RREB1: variants seen among roughly 807,000 people sequenced by gnomAD.
RREB1 encodes the protein ras-responsive element-binding protein 1.
In RREB1, 27 loss-of-function variants were observed where a neutral mutation model predicts 117.8. The observed-to-expected ratio is 0.23, with a 90% confidence interval of 0.17 to 0.32. The LOEUF (loss-of-function observed/expected upper bound fraction) is 0.32, where lower values mean the gene tolerates loss of function less well. Ranked by LOEUF, RREB1 falls within the 10% of genes least tolerant of loss-of-function variation. The pLI, the probability that RREB1 is intolerant of heterozygous loss-of-function variation, is 1.00. For synonymous variants in RREB1, 1,298 were observed against 1,026.7 expected (o/e 1.26, Z -5.05); for missense variants, 2,577 against 2,378.2 (o/e 1.08, Z -1.74).
chr6:7,131,869 T>C (rs1458902494), intron 1 of RREB1, among the ~76,000 whole-genome samples: 1 of 152,096 alleles, frequency 6.6e-6, no homozygotes, highest in Admixed American at 6.5e-5. Flanking sequence ...AGGACTTTTT[T>C]TTTTTTTGGA....
At chr6:7,117,097 G>A (rs1375786131) in intron 1 of RREB1, among the ~76,000 whole-genome samples, 2 of 152,236 alleles carry the variant, frequency 1.3e-5, no homozygotes, top group African/African-American at 4.8e-5. Context: ...AATCTACAGG[G>A]TATAAATCTT....
chr6:7,231,726 C>G lies in RREB1; in HGVS notation c.3627C>G (p.Ala1209=). The change falls in exon 10 of 13, where the codon GCC becomes GCG. Residue 1209 remains alanine, a synonymous_variant. Transcript: ENST00000379938. Reference sequence around the variant, plus strand: ...AGGACAACACTCAGGATGAGGTGGCCGGAGCCCCTGCCGACCACCATGGGC... The same window carrying G: ...AGGACAACACTCAGGATGAGGTGGCGGGAGCCCCTGCCGACCACCATGGGC... ...TAEDNTQDEV[A]GAPADHHGPS... 1 of 1,613,606 alleles carries G rather than the reference C, an allele frequency of 6.2e-7. No individual in the cohort carries two copies. The highest frequency in any genetic ancestry group is 8.5e-7 in the Non-Finnish European group (1 of 1,179,958).
chr6:7,210,848 C>G lies in RREB1; in HGVS notation c.470C>G (p.Thr157Arg). The G allele has an allele frequency of 1.2e-6, 2 of 1,614,074 alleles. No individual in the cohort carries two copies. Among genetic ancestry groups the G allele is most frequent in the Non-Finnish European group, 1.7e-6 (2 of 1,179,910 alleles). ...AAGGACCCTAACAGTGCCACAGCCA[C>G]AGCCCCTCCATCTCCTCTGAAACGT... ...HEKDPNSATA[T>R]APPSPLKRRR... The change falls in exon 7 of 13, where the codon ACA becomes AGA. Residue 157 changes from threonine to arginine, a missense_variant. By Grantham distance (71) the Thr-to-Arg change is moderately conservative. Coordinates refer to ENST00000379938, the MANE Select transcript of RREB1 (RefSeq NM_001003699.4).
At chr6:7,136,516 C>T (rs540059907) in intron 1 of RREB1, among the ~76,000 whole-genome samples, 7 of 152,278 alleles carry the variant, frequency 4.6e-5, no homozygotes, top group African/African-American at 1.7e-4. Context: ...GCTCCAGCAA[C>T]CCGCTATCCT....
At chr6:7,186,054 C>T (rs766664641) in intron 4 of RREB1, among the ~76,000 whole-genome samples, 36 of 152,182 alleles carry the variant, frequency 2.4e-4, no homozygotes, top group Non-Finnish European at 4.0e-4. Flanking sequence ...TTGCAAGGAG[C>T]AGAAACTCAT....
chr6:7,123,293 G>T (rs1441409646), intron 1 of RREB1, among the ~76,000 whole-genome samples: 1 of 152,124 alleles, frequency 6.6e-6, no homozygotes. Context: ...GAGGAGCTGG[G>T]ACTCTGTACA....
At chr6:7,163,733 T>G (rs4435992) in intron 1 of RREB1, among the ~76,000 whole-genome samples, 3 of 152,260 alleles carry the variant, frequency 2.0e-5, no homozygotes, top group Admixed American at 2.0e-4. Flanking sequence ...AGCATGAAAT[T>G]GAGTTTGTGT....
chr6:7,233,453 G>T (rs1187008711), intron 10 of RREB1, among the ~76,000 whole-genome samples: 1 of 152,116 alleles, frequency 6.6e-6, no homozygotes, highest in Non-Finnish European at 1.5e-5. Flanking sequence ...TTAATAAATA[G>T]ATAGGGCCTA....
intron 8 of RREB1, chr6:7,215,958 A>G (rs1366401527): frequency 6.6e-6 from 1 of 152,072 alleles, no homozygotes; most frequent in East Asian, 1.9e-4. Flanking sequence ...AAGAAGGCCC[A>G]AGGGCGGCAG....
chr6:7,114,087 A>G (rs1306448454), intron 1 of RREB1, among the ~76,000 whole-genome samples: 2 of 152,108 alleles, frequency 1.3e-5, no homozygotes, highest in African/African-American at 2.4e-5. Context: ...TTTTGTTTTT[A>G]GTGCTGGGAG....
chr6:7,136,931 G>A (rs1333741891), intron 1 of RREB1, among the ~76,000 whole-genome samples: 1 of 152,220 alleles, frequency 6.6e-6, no homozygotes, highest in East Asian at 1.9e-4. Context: ...ACAGAAACTT[G>A]ATAGAAATAT....
intron 1 of RREB1, among the ~76,000 whole-genome samples, chr6:7,145,938 T>C (rs1453820775): frequency 6.6e-6 from 1 of 150,726 alleles, no homozygotes; most frequent in African/African-American, 2.5e-5. Flanking sequence ...CAGAACAGGT[T>C]GGGCAAGACT....
chr6:7,229,152 G>T lies in RREB1; in HGVS notation c.1053G>T (p.Thr351=), dbSNP rs771693035. The change falls in exon 10 of 13, where the codon ACG becomes ACT. Residue 351 remains threonine, a synonymous_variant. Coordinates refer to ENST00000379938, the MANE Select transcript of RREB1 (RefSeq NM_001003699.4). This position sits in a 1 kb window ranked among gnomAD's most constrained non-coding sequence, Gnocchi z 4.5. The part of the protein sequence containing the change: ...ADQGQEKPQA[T]PLPGDALDQK... Reference sequence around the variant, plus strand: ...AGGGTCAAGAAAAGCCGCAGGCCACGCCCCTGCCTGGTGACGCCCTGGACC... The same window carrying T: ...AGGGTCAAGAAAAGCCGCAGGCCACTCCCCTGCCTGGTGACGCCCTGGACC... The T allele has an allele frequency of 6.2e-7, 1 of 1,609,820 alleles. No homozygotes were observed. Among genetic ancestry groups the T allele is most frequent in the African/African-American group, 1.3e-5 (1 of 74,972 alleles).
In RREB1 at chr6:7,250,349, G is replaced by C. The variant is rs1408545019; in HGVS notation, c.*1381G>C. The C allele has an allele frequency of 2.6e-5, 4 of 152,200 alleles. No individual in the cohort carries two copies. Among genetic ancestry groups the C allele is most frequent in the Non-Finnish European group, 5.9e-5 (4 of 68,032 alleles). The allele number at this position is 152,200 out of a possible 1,614,324, so 9.4% of individuals were successfully genotyped here. ...TACCTTCCTGCGATGTGGGGTTGGT[G>C]CTTGAAGATAAATGTGCTGTTTCTA... is the stretch of plus-strand genomic sequence containing the variant. On this transcript the variant is annotated 3_prime_UTR_variant, in exon 13 of 13. Transcript: ENST00000379938.
intron 8 of RREB1, among the ~76,000 whole-genome samples, chr6:7,223,051 T>G (rs902151163): frequency 6.6e-6 from 1 of 151,966 alleles, no homozygotes; most frequent in Non-Finnish European, 1.5e-5. Flanking sequence ...GCCCAGGAGT[T>G]CGAGACCAGC....
chr6:7,214,876 TC>T (rs1249917595), intron 8 of RREB1: 1 of 152,154 alleles, frequency 6.6e-6, no homozygotes, highest in African/African-American at 2.4e-5. Flanking sequence ...AAATCCAAAC[TC>T]ATATAAATCT....
At chr6:7,179,529 T>C (rs933223113) in intron 2 of RREB1, among the ~76,000 whole-genome samples, 1 of 152,236 alleles carries the variant, frequency 6.6e-6, no homozygotes, top group Non-Finnish European at 1.5e-5. Context: ...TAATTCTCTG[T>C]ACATTAAAAT....
intron 2 of RREB1, among the ~76,000 whole-genome samples, chr6:7,178,685 A>G (rs1427080429): frequency 6.6e-6 from 1 of 152,182 alleles, no homozygotes; most frequent in Non-Finnish European, 1.5e-5. Context: ...TCTTTTTTTC[A>G]AACAGTGTAG....
In RREB1 at chr6:7,226,564, C is replaced by T. The variant is rs766100031; in HGVS notation, c.805C>T (p.Pro269Ser). 6 of 1,614,026 alleles carry T rather than the reference C, an allele frequency of 3.7e-6. No individual in the cohort carries two copies. Among genetic ancestry groups the T allele is most frequent in the Non-Finnish European group, 5.1e-6 (6 of 1,179,976 alleles). The change falls in exon 9 of 13, where the codon CCT (proline) becomes TCT (serine). Residue 269 changes from proline (P) to serine (S), a missense_variant. Transcript: ENST00000379938. Reference protein sequence around the residue: ...KQLPRDAMGRPFIQNNPSIPA... With the variant: ...KQLPRDAMGRSFIQNNPSIPA... The stretch of plus-strand genomic sequence containing the variant: ...ACTTCCCAGGGATGCAATGGGCAGA[C>T]CTTTCATACAGAACAACCCTTCAAT...
Sources: allele counts gnomAD v4.1 joint callset (sites outside exome capture counted in the v4.1 genomes callset), GRCh38; gene constraint gnomAD v4.1.1; non-coding constraint Gnocchi (gnomAD v3.1); transcripts MANE v1.5; gene names NCBI Gene and HGNC (gene_info 2026-07-23, HGNC 2026-07-21).